The following PTPRK variants were observed in gnomAD, a reference collection of about 807,000 sequenced individuals.
PTPRK encodes the protein protein tyrosine phosphatase receptor type K, also known as receptor-type tyrosine-protein phosphatase kappa.
PTPRK carries 75 observed loss-of-function variants against 178.0 expected under a neutral mutation model. That is an observed-to-expected ratio of 0.42 (90% CI 0.35 to 0.51). The LOEUF is 0.51. Among genes scored for constraint, PTPRK ranks in the 20% least tolerant of loss-of-function variants. The pLI is 0.02. For missense variants in PTPRK, 1,441 were observed against 1,797.8 expected, an observed-to-expected ratio of 0.80 and a Z score of 3.59; for synonymous variants, 637 against 620.6, an observed-to-expected ratio of 1.03 and a Z score of -0.39.
intron 1 of PTPRK, among the ~76,000 whole-genome samples, chr6:128,490,608 T>C (rs1278442107): frequency 6.6e-6 from 1 of 152,218 alleles, no homozygotes; most frequent in Non-Finnish European, 1.5e-5. Context: ...GTGTAAATCC[T>C]AATTCTGTCA....
At chr6:128,346,401 T>C (rs949168460) in intron 2 of PTPRK, among the ~76,000 whole-genome samples, 4 of 152,070 alleles carry the variant, frequency 2.6e-5, no homozygotes, top group African/African-American at 9.7e-5. Flanking sequence ...GTTGAAGTTT[T>C]CTATGGTATG....
intron 7 of PTPRK, among the ~76,000 whole-genome samples, chr6:128,160,260 G>A (rs1254956796): frequency 6.6e-6 from 1 of 151,336 alleles, no homozygotes; most frequent in Non-Finnish European, 1.5e-5. Context: ...CTGATTCTTA[G>A]AGGGGACAAA....
intron 13 of PTPRK, among the ~76,000 whole-genome samples, chr6:128,018,119 C>A (rs1316419044): frequency 6.6e-6 from 1 of 151,840 alleles, no homozygotes; most frequent in African/African-American, 2.4e-5. Flanking sequence ...CTACAACTCA[C>A]ACTAGGTCTG....
intron 11 of PTPRK, among the ~76,000 whole-genome samples, chr6:128,070,276 C>T (rs1297829054): frequency 3.9e-5 from 6 of 152,018 alleles, no homozygotes; most frequent in African/African-American, 1.4e-4. Flanking sequence ...TTTGTTCATT[C>T]TCTACTTTAT....
At chr6:128,002,978 C>T (rs1410351980) in intron 15 of PTPRK, among the ~76,000 whole-genome samples, 1 of 151,870 alleles carries the variant, frequency 6.6e-6, no homozygotes, top group Non-Finnish European at 1.5e-5. Context: ...AATCTAACAA[C>T]CAAGAATTGA....
At chr6:128,506,774 C>T (rs567160506) in intron 1 of PTPRK, among the ~76,000 whole-genome samples, 6 of 151,228 alleles carry the variant, frequency 4.0e-5, no homozygotes, top group Non-Finnish European at 8.8e-5. Context: ...TAAAGTGATG[C>T]TTGTGGTCTT....
chr6:128,302,648 G>A (rs935757165), intron 3 of PTPRK, among the ~76,000 whole-genome samples: 2 of 150,540 alleles, frequency 1.3e-5, no homozygotes, highest in African/African-American at 2.4e-5. Context: ...CAATATTGTG[G>A]TTTGTACTTA....
chr6:128,458,137 C>T (rs1295860491), intron 1 of PTPRK, among the ~76,000 whole-genome samples: 1 of 152,098 alleles, frequency 6.6e-6, no homozygotes, highest in East Asian at 1.9e-4. Flanking sequence ...AATTTCTCTC[C>T]ATCTCTTACT....
At position 128,519,462 on chromosome 6, in the gene PTPRK, G is replaced by T. The variant is rs963106519; in HGVS notation, c.100+797C>A. Among the ~76,000 whole-genome samples, 3 of 152,090 alleles carry T rather than the reference G, an allele frequency of 2.0e-5. No homozygotes were observed. The highest frequency in any genetic ancestry group is 2.0e-4 in the Admixed American group (3 of 15,250). On this transcript the variant is annotated intron_variant, in intron 1 of 29. Transcript: ENST00000368226. The surrounding 1 kb of genome is among the most constrained non-coding windows in gnomAD (Gnocchi z 4.3). Reference sequence around the variant, plus strand: ...CTTCCAGCCCCAGGCCGGATCCGGGGAGCGCGGGGCCAGAGCCCCAGGCCG... The same window carrying T: ...CTTCCAGCCCCAGGCCGGATCCGGGTAGCGCGGGGCCAGAGCCCCAGGCCG...
chr6:128,194,062 ATATAT>A (rs910370371), intron 6 of PTPRK, among the ~76,000 whole-genome samples: 32 of 131,050 alleles, frequency 2.4e-4, no homozygotes, highest in African/African-American at 9.1e-4. Flanking sequence ...ATATTTATAT[ATATAT>A]TATTATTATT....
chr6:128,195,955 T>C (rs1306133303), intron 6 of PTPRK, among the ~76,000 whole-genome samples: 2 of 152,096 alleles, frequency 1.3e-5, no homozygotes, highest in Non-Finnish European at 2.9e-5. Flanking sequence ...ATCATGTGTC[T>C]TATTGGATTA....
chr6:128,251,645 T>C (rs1052609693), intron 3 of PTPRK, among the ~76,000 whole-genome samples: 2 of 152,208 alleles, frequency 1.3e-5, no homozygotes, highest in Non-Finnish European at 2.9e-5. Context: ...AGCTACAGTA[T>C]AGGTTTAAAT....
intron 2 of PTPRK, among the ~76,000 whole-genome samples, chr6:128,387,194 T>G (rs925318495): frequency 3.3e-5 from 5 of 152,182 alleles, no homozygotes; most frequent in African/African-American, 1.2e-4. Flanking sequence ...TGTTCAAAAC[T>G]TGGGACCCAG....
chr6:128,277,022 A>G (rs923879408), intron 3 of PTPRK, among the ~76,000 whole-genome samples: 2 of 152,068 alleles, frequency 1.3e-5, no homozygotes, highest in African/African-American at 2.4e-5. Flanking sequence ...GCACTAGCTT[A>G]GAAAAGTTTT....
chr6:127,995,282 A>G (rs1432561029), intron 18 of PTPRK, 180 bp downstream of exon 18: 1 of 1,607,072 alleles, frequency 6.2e-7, no homozygotes, highest in Non-Finnish European at 8.5e-7. Context: ...GCCCAAACCA[A>G]AGTCAGGTGT....
At chr6:128,179,702 G>C (rs1028696802) in intron 7 of PTPRK, among the ~76,000 whole-genome samples, 1 of 151,974 alleles carries the variant, frequency 6.6e-6, no homozygotes, top group Non-Finnish European at 1.5e-5. Context: ...CTGAGTGTTA[G>C]CGGTTACTAG....
chr6:127,998,660 A>G, intron 16 of PTPRK, 60 bp downstream of exon 16: 1 of 1,404,236 alleles, frequency 7.1e-7, no homozygotes, highest in Non-Finnish European at 9.6e-7. Context: ...AAAAAATGCT[A>G]AATTCCACTG....
chr6:128,028,962 G>A (rs1397335570), intron 13 of PTPRK, among the ~76,000 whole-genome samples: 1 of 152,110 alleles, frequency 6.6e-6, no homozygotes, highest in African/African-American at 2.4e-5. Flanking sequence ...GGTTAGAATT[G>A]TGCTGGACTG....
chr6:128,287,206 G>GC (rs1245734765), intron 3 of PTPRK, among the ~76,000 whole-genome samples: 1 of 152,004 alleles, frequency 6.6e-6, no homozygotes, highest in African/African-American at 2.4e-5. Flanking sequence ...CCTCTGCCAG[G>GC]CCCAGATACT....
Sources: allele counts gnomAD v4.1 joint callset (sites outside exome capture counted in the v4.1 genomes callset), GRCh38; gene constraint gnomAD v4.1.1; non-coding constraint Gnocchi (gnomAD v3.1); transcripts MANE v1.5; gene names NCBI Gene and HGNC (gene_info 2026-07-23, HGNC 2026-07-21).